The following ZDHHC17 variants were observed in gnomAD, a reference collection of about 807,000 sequenced individuals.
ZDHHC17 encodes the protein zDHHC palmitoyltransferase 17, also known as palmitoyltransferase ZDHHC17.
A neutral mutation model predicts 90.3 loss-of-function variants in ZDHHC17; 40 were observed. That is an observed-to-expected ratio of 0.44 (90% CI 0.34 to 0.58). The LOEUF is 0.58. Ranked by LOEUF, ZDHHC17 falls within the 20% of genes least tolerant of loss-of-function variation. The pLI is 0.01. For synonymous variants in ZDHHC17, 235 were observed against 252.4 expected, an observed-to-expected ratio of 0.93 and a Z score of 0.65; for missense variants, 614 against 780.8, an observed-to-expected ratio of 0.79 and a Z score of 2.55.
chr12:76,809,856 A>G lies in ZDHHC17; in HGVS notation c.542A>G (p.Gln181Arg). 6 of 1,609,314 alleles carry G rather than the reference A, an allele frequency of 3.7e-6. No homozygotes were observed. The highest frequency in any genetic ancestry group is 5.1e-6 in the Non-Finnish European group (6 of 1,177,506). Residue 181 changes from glutamine to arginine, a missense_variant and splice_region_variant, in exon 5 of 17, where the codon CAG becomes CGG. Around this residue, in one of 5 missense-constraint regions of ZDHHC17, gnomAD observed 358 missense variants for 380.4 expected, o/e 0.94. Coordinates refer to ENST00000426126, the MANE Select transcript of ZDHHC17 (RefSeq NM_015336.4). ...GTTGCTTATCTCATAGCAAAAGGAC[A>G]GGTAAAAAAAATCTCAGTGGTATGG... ...SIVAYLIAKG[Q>R]DVDMMDQNGM...
In ZDHHC17 at chr12:76,764,281, G is replaced by C; in HGVS notation, c.45G>C (p.Pro15=). 6.2e-7 allele frequency: 1 copy of C among 1,607,286 alleles called. No individual in the cohort carries two copies. Among genetic ancestry groups the C allele is most frequent in the Non-Finnish European group, 8.5e-7 (1 of 1,177,066 alleles). Residue 15 remains proline, a synonymous_variant, in exon 1 of 17, where the codon CCG becomes CCC. Transcript: ENST00000426126. ...EGFNTKMADG[P]DEYDTEAGCV... ...TTAACACCAAGATGGCGGACGGCCC[G>C]GATGAGTACGATACCGAAGCGGGCT... is the stretch of plus-strand genomic sequence containing the variant.
chr12:76,797,156 C>T (rs529428594), intron 1 of ZDHHC17, among the ~76,000 whole-genome samples: 1 of 151,986 alleles, frequency 6.6e-6, no homozygotes, highest in Admixed American at 6.6e-5. Flanking sequence ...CTCAGCTACT[C>T]AGGAGGCTAG....
intron 1 of ZDHHC17, among the ~76,000 whole-genome samples, chr12:76,794,881 A>G (rs1303862506): frequency 2.6e-5 from 4 of 152,210 alleles, no homozygotes; most frequent in Non-Finnish European, 5.9e-5. Flanking sequence ...TATTATTGGT[A>G]TGTAAAAGCA....
At chr12:76,796,139 T>C (rs1466191459) in intron 1 of ZDHHC17, among the ~76,000 whole-genome samples, 1 of 152,188 alleles carries the variant, frequency 6.6e-6, no homozygotes, top group Non-Finnish European at 1.5e-5. Context: ...AAATAGCTTT[T>C]TCCTCTAGTA....
chr12:76,827,177 GTA>G, intron 9 of ZDHHC17, 127 bp downstream of exon 9: 1 of 1,049,558 alleles, frequency 9.5e-7, no homozygotes, highest in South Asian at 2.5e-5. Flanking sequence ...TTAGACATCT[GTA>G]TGTGAAATAT....
At chr12:76,810,021 A>G (rs747220809) in intron 5 of ZDHHC17, among the ~76,000 whole-genome samples, 164 bp downstream of exon 5, 4 of 152,230 alleles carry the variant, frequency 2.6e-5, no homozygotes, top group Non-Finnish European at 5.9e-5. Context: ...TAATGTACCT[A>G]ACATAAAAGC....
rs1231368550 is a variant in ZDHHC17, at chr12:76,815,250, G to A, written c.608+40G>A. On this transcript the variant is annotated intron_variant, in intron 6 of 16. Coordinates refer to ENST00000426126, the MANE Select transcript of ZDHHC17 (RefSeq NM_015336.4). Reference sequence around the variant, plus strand: ...TAAAAAACTTATTTAGGCCATTTCAGCATAATACAATATGAAGTAAGAGAG... The same window carrying A: ...TAAAAAACTTATTTAGGCCATTTCAACATAATACAATATGAAGTAAGAGAG... 3 of 1,373,614 alleles carry A rather than the reference G, an allele frequency of 2.2e-6. No individual in the cohort carries two copies. In the East Asian group the frequency reaches 7.5e-5, roughly 34 times the overall value. 85.1% of individuals were successfully genotyped at this position (1,373,614 alleles called of 1,614,324 possible). A position where few individuals can be genotyped will look rare whatever the true frequency, so the allele number is the denominator to read the frequency against.
intron 2 of ZDHHC17, among the ~76,000 whole-genome samples, chr12:76,799,673 G>C (rs766154442): frequency 6.6e-6 from 1 of 152,202 alleles, no homozygotes; most frequent in Non-Finnish European, 1.5e-5. Context: ...TGATTTTAAG[G>C]TGATCTCATC....
At chr12:76,841,383 C>T (rs928805414) in intron 10 of ZDHHC17, among the ~76,000 whole-genome samples, 5 of 151,998 alleles carry the variant, frequency 3.3e-5, no homozygotes, top group African/African-American at 7.2e-5. Flanking sequence ...ATTGCTCTAG[C>T]GACATTGCTG....
intron 7 of ZDHHC17, among the ~76,000 whole-genome samples, chr12:76,820,206 A>G (rs972749406): frequency 3.7e-4 from 56 of 152,248 alleles, no homozygotes; most frequent in African/African-American, 1.3e-3. Context: ...TCTGGGAGGA[A>G]GAAAAGTGGC....
intron 7 of ZDHHC17, 51 bp from the exon 8 acceptor site, chr12:76,822,355 A>G: frequency 6.3e-7 from 1 of 1,596,546 alleles, no homozygotes; most frequent in Non-Finnish European, 8.6e-7. Flanking sequence ...GGTAACTAAG[A>G]TAGCCTGCTT....
intron 2 of ZDHHC17, among the ~76,000 whole-genome samples, chr12:76,802,611 T>C (rs907883537): frequency 2.6e-5 from 4 of 152,236 alleles, no homozygotes; most frequent in Non-Finnish European, 5.9e-5. Context: ...GTCTTCACTT[T>C]CCTTCGGTCT....
At position 76,815,178 on chromosome 12, in the gene ZDHHC17, G is replaced by T; in HGVS notation, c.576G>T (p.Thr192=). Residue 192 remains threonine (T), a synonymous_variant, in exon 6 of 17, where the codon ACG becomes ACT. Transcript: ENST00000426126. ...ATATGATGGATCAGAATGGAATGAC[G>T]CCTTTAATGTGGGCAGCATATAGAA... is the stretch of plus-strand genomic sequence containing the variant. ...DVDMMDQNGM[T]PLMWAAYRTH... is the part of the protein sequence containing the mutation. 2 of 1,567,492 alleles carry T rather than the reference G, an allele frequency of 1.3e-6. No homozygotes were observed. The highest frequency in any genetic ancestry group is 2.3e-5 in the East Asian group (1 of 43,154).
Position 76,808,968 on chromosome 12 carries a change from T to G in ZDHHC17, c.321-75T>G, listed in dbSNP as rs182338552. On this transcript the variant is annotated intron_variant, in intron 3 of 16. Coordinates refer to ENST00000426126, the MANE Select transcript of ZDHHC17 (RefSeq NM_015336.4). ...TGAGATCTGAAATAGAAAACATGTATTTACATATTTTTCACAAAATTTCTT... is the reference window on the plus strand; with the variant it reads ...TGAGATCTGAAATAGAAAACATGTAGTTACATATTTTTCACAAAATTTCTT... 5.6e-6 allele frequency: 5 copies of G among 900,234 alleles called. No homozygotes were observed. The East Asian group carries it at 1.3e-4, about 23-fold the overall frequency. The allele number at this position is 900,234 out of a possible 1,614,324, so 55.8% of individuals were successfully genotyped here.
At chr12:76,785,808 C>T (rs767310031) in intron 1 of ZDHHC17, among the ~76,000 whole-genome samples, 8 of 152,020 alleles carry the variant, frequency 5.3e-5, no homozygotes, top group Non-Finnish European at 1.0e-4. Flanking sequence ...GGCTGGTGTA[C>T]GTAAATGTGT....
At chr12:76,824,981 C>CTTAGAATATTAAGTAAA (rs1953213054) in intron 8 of ZDHHC17, among the ~76,000 whole-genome samples, 1 of 150,936 alleles carries the variant, frequency 6.6e-6, no homozygotes, top group African/African-American at 2.5e-5. Context: ...GGATTTTAGA[C>CTTAGAATATTAAGTAAA]AGGCATATTT....
At chr12:76,764,691 C>T in intron 1 of ZDHHC17, 1 of 501,134 alleles carries the variant, frequency 2.0e-6, no homozygotes, top group South Asian at 1.5e-5. Context: ...CTCTTGGGGC[C>T]AGGTGGAAGC....
In ZDHHC17 at chr12:76,815,196, A is replaced by T; in HGVS notation, c.594A>T (p.Ala198=). 1 of 1,566,390 alleles carries T rather than the reference A, an allele frequency of 6.4e-7. No individual in the cohort carries two copies. The highest frequency in any genetic ancestry group is 8.7e-7 in the Non-Finnish European group (1 of 1,153,360). ...QNGMTPLMWA[A]YRTHSVDPTR... Reference sequence around the variant, plus strand: ...GAATGACGCCTTTAATGTGGGCAGCATATAGAACACATAGGTATGTAATGA... The same window carrying T: ...GAATGACGCCTTTAATGTGGGCAGCTTATAGAACACATAGGTATGTAATGA... Residue 198 remains alanine (A), a synonymous_variant, in exon 6 of 17, where the codon GCA becomes GCT. Transcript: ENST00000426126.
In ZDHHC17 at chr12:76,851,574, C is replaced by G. The variant is rs922098357; in HGVS notation, c.*589C>G. On this transcript the variant is annotated 3_prime_UTR_variant, in exon 17 of 17. Coordinates refer to ENST00000426126, the MANE Select transcript of ZDHHC17 (RefSeq NM_015336.4). ...AAAATGTGCTAACAATGTTTTGTTT[C>G]TATCAGCTGTTGCAATGCTGATATA... is the stretch of plus-strand genomic sequence containing the variant. 1.3e-5 allele frequency: 2 copies of G among 152,706 alleles called. No homozygotes were observed. Among genetic ancestry groups the G allele is most frequent in the Non-Finnish European group, 2.9e-5 (2 of 68,110 alleles). 9.5% of individuals were successfully genotyped at this position (152,706 alleles called of 1,614,324 possible).
Sources: gnomAD v4.1 joint callset for allele counts (sites outside exome capture counted in the v4.1 genomes callset) on GRCh38, gnomAD v4.1.1 for gene constraint, gnomAD v4.1.1 regional missense constraint, MANE v1.5 for transcripts, NCBI Gene and HGNC (gene_info 2026-07-23, HGNC 2026-07-21) for gene names.